The following SCUBE1 variants were observed in gnomAD, a reference collection of about 807,000 sequenced individuals.
SCUBE1 encodes signal peptide, CUB domain and EGF like domain containing 1.
In SCUBE1, 59 loss-of-function variants were observed where a neutral mutation model predicts 124.4. That is an observed-to-expected ratio of 0.47 (90% CI 0.38 to 0.59). The LOEUF (loss-of-function observed/expected upper bound fraction) is 0.59. Among genes scored for constraint, SCUBE1 ranks in the 20% least tolerant of loss-of-function variants. The pLI is 0.00. For synonymous variants in SCUBE1, 545 were observed against 550.9 expected, an observed-to-expected ratio of 0.99 and a Z score of 0.15; for missense variants, 1,150 against 1,371.2, an observed-to-expected ratio of 0.84 and a Z score of 2.55.
chr22:43,340,818 T>C (rs1430991911), intron 1 of SCUBE1, among the ~76,000 whole-genome samples: 1 of 152,198 alleles, frequency 6.6e-6, no homozygotes, highest in East Asian at 1.9e-4. Context: ...TCTCAGCAGC[T>C]GCCATGAGGG....
At chr22:43,273,098 C>G (rs1221227523) in intron 4 of SCUBE1, among the ~76,000 whole-genome samples, 2 of 152,236 alleles carry the variant, frequency 1.3e-5, no homozygotes, top group African/African-American at 4.8e-5. Flanking sequence ...GTGTGCAGGC[C>G]CTGGGCTGAG....
At chr22:43,229,887 T>C (rs1922483535) in intron 8 of SCUBE1, among the ~76,000 whole-genome samples, 2 of 150,830 alleles carry the variant, frequency 1.3e-5, no homozygotes, top group African/African-American at 2.5e-5. Flanking sequence ...GGAAAATGGC[T>C]GTTATGGGAC....
At chr22:43,321,586 T>C (rs934861941) in intron 2 of SCUBE1, among the ~76,000 whole-genome samples, 1 of 151,458 alleles carries the variant, frequency 6.6e-6, no homozygotes, top group African/African-American at 2.4e-5. Flanking sequence ...ACTCTTGGTG[T>C]CCGTGCAGCC....
At chr22:43,315,152 CT>C (rs1443999822) in intron 3 of SCUBE1, among the ~76,000 whole-genome samples, 1 of 152,032 alleles carries the variant, frequency 6.6e-6, no homozygotes, top group Non-Finnish European at 1.5e-5. Flanking sequence ...AGCTTGAAGC[CT>C]TTGCTGGAAA....
At chr22:43,310,555 C>G (rs1926134297) in intron 3 of SCUBE1, among the ~76,000 whole-genome samples, 1 of 152,178 alleles carries the variant, frequency 6.6e-6, no homozygotes, top group African/African-American at 2.4e-5. Context: ...CAAGTCATCC[C>G]CAGCTTTCAA....
intron 6 of SCUBE1, among the ~76,000 whole-genome samples, chr22:43,248,852 G>A (rs568091795): frequency 1.3e-5 from 2 of 152,280 alleles, no homozygotes; most frequent in South Asian, 4.1e-4. Flanking sequence ...CTGCCTGCCT[G>A]GGCACTGAGG....
At chr22:43,330,211 G>T (rs560061062) in intron 2 of SCUBE1, among the ~76,000 whole-genome samples, 3 of 152,132 alleles carry the variant, frequency 2.0e-5, no homozygotes, top group Non-Finnish European at 4.4e-5. Context: ...AGGAAACCAG[G>T]GCTCAGAATG....
At chr22:43,256,675 G>A (rs1923671679) in intron 6 of SCUBE1, among the ~76,000 whole-genome samples, 1 of 152,240 alleles carries the variant, frequency 6.6e-6, no homozygotes, top group Non-Finnish European at 1.5e-5. Flanking sequence ...TTAGACACAG[G>A]CTGGGTGCGT....
chr22:43,204,607 G>A (rs887760773), intron 21 of SCUBE1, among the ~76,000 whole-genome samples: 4 of 151,336 alleles, frequency 2.6e-5, no homozygotes, highest in African/African-American at 9.7e-5. Context: ...CCCGTAACTG[G>A]TTTTTAAATA....
intron 4 of SCUBE1, among the ~76,000 whole-genome samples, chr22:43,278,280 A>T (rs1384689599): frequency 2.0e-5 from 3 of 152,230 alleles, no homozygotes; most frequent in Admixed American, 6.5e-5. Context: ...GAGCGAGGAG[A>T]ACCTGCAACC....
rs757868359 is a variant in SCUBE1 at position 43,229,164 on chromosome 22, C to A, written c.992G>T (p.Arg331Leu). The A allele has an allele frequency of 6.2e-7, 1 of 1,613,824 alleles. No individual in the cohort carries two copies. The highest frequency in any genetic ancestry group is 1.3e-5 in the African/African-American group (1 of 75,026). ...CQDIDECSFE[R>L]TCDHICINSP... ...GTTGATGCAGATGTGGTCACAGGTC[C>A]GCTCGAAGGAGCACTCGTCGATGTC... Residue 331 changes from arginine to leucine, a missense_variant, in exon 9 of 22, where the codon CGG (arginine) becomes CTG (leucine). Coordinates refer to ENST00000360835, the MANE Select transcript of SCUBE1 (RefSeq NM_173050.5).
intron 21 of SCUBE1, among the ~76,000 whole-genome samples, chr22:43,205,660 C>CCCT (rs1921204616): frequency 7.2e-6 from 1 of 139,308 alleles, no homozygotes; most frequent in African/African-American, 2.8e-5. Context: ...CCCCCACACA[C>CCCT]ACCACACACC....
chr22:43,287,770 A>G (rs1473022607), intron 4 of SCUBE1, among the ~76,000 whole-genome samples: 3 of 152,258 alleles, frequency 2.0e-5, no homozygotes, highest in Non-Finnish European at 2.9e-5. Flanking sequence ...ATCAGAGGTC[A>G]CTTGTCTGCA....
chr22:43,231,240 C>G (rs1393508956), intron 8 of SCUBE1, among the ~76,000 whole-genome samples: 4 of 152,236 alleles, frequency 2.6e-5, no homozygotes, highest in East Asian at 3.8e-4. Flanking sequence ...TCCCCGTAGC[C>G]TTCCCTGACC....
intron 16 of SCUBE1, 44 bp downstream of exon 16, chr22:43,214,046 C>CGGGGGGGGGGGGGGGGGGG: frequency 2.8e-5 from 12 of 422,698 alleles, no homozygotes; most frequent in Non-Finnish European, 4.1e-5. Flanking sequence ...GAGGAGCCCC[C>CGGGGGGGGGGGGGGGGGGG]GCCCACCCCC....
At chr22:43,266,626 G>C (rs1330255288) in intron 4 of SCUBE1, among the ~76,000 whole-genome samples, 1 of 152,184 alleles carries the variant, frequency 6.6e-6, no homozygotes, top group Admixed American at 6.5e-5. Flanking sequence ...CTGGAAGCTG[G>C]GCCACTGGGC....
Position 43,203,897 on chromosome 22 carries a change from G to C in SCUBE1, c.*100C>G. 3 of 1,301,156 alleles carry C rather than the reference G, an allele frequency of 2.3e-6. No homozygotes were observed. The highest frequency in any genetic ancestry group is 3.3e-6 in the Non-Finnish European group (3 of 922,748). 80.6% of individuals were successfully genotyped at this position (1,301,156 alleles called of 1,614,324 possible). A position where few individuals can be genotyped will look rare whatever the true frequency, so the allele number is the denominator to read the frequency against. On this transcript the variant is annotated 3_prime_UTR_variant, in exon 22 of 22. Transcript: ENST00000360835. ...GCTTCCCTGAAGGGCAGTGCCATGG[G>C]GTTCCCAAGGTGGTGTGGAGGCCCA...
rs1351247234 is a variant in SCUBE1, at chr22:43,201,243, G to A, written c.*2754C>T. 2 of 127,312 alleles carry A rather than the reference G, an allele frequency of 1.6e-5. No homozygotes were observed. The highest frequency in any genetic ancestry group is 3.1e-5 in the Non-Finnish European group (2 of 63,888). The allele number at this position is 127,312 out of a possible 1,614,324, so 7.9% of individuals were successfully genotyped here. ...GGCGTGAACCCGGGAGGCGGAGCTT[G>A]CAGTGAACCAAGATCGCGCCACTGC... On this transcript the variant is annotated 3_prime_UTR_variant, in exon 22 of 22. Transcript: ENST00000360835.
chr22:43,291,221 A>G, intron 3 of SCUBE1, 41 bp from the exon 4 acceptor site: 1 of 1,588,762 alleles, frequency 6.3e-7, no homozygotes, highest in Admixed American at 1.7e-5. Context: ...GATCACACCT[A>G]AGTTGGAAGC....
Sources: gnomAD v4.1 joint callset for allele counts (sites outside exome capture counted in the v4.1 genomes callset) on GRCh38, gnomAD v4.1.1 for gene constraint, MANE v1.5 for transcripts, NCBI Gene and HGNC (gene_info 2026-07-23, HGNC 2026-07-21) for gene names.